The following GPC5 variants were observed in gnomAD, a reference collection of about 807,000 sequenced individuals.
The protein encoded by GPC5 is glypican 5, also known as glypican-5.
Under a neutral mutation model 53.9 loss-of-function variants are expected in GPC5, and 47 were observed. That is an observed-to-expected ratio of 0.87 (90% CI 0.69 to 1.11). GPC5 has a LOEUF of 1.11. GPC5 is among the 50% of genes most tolerant of loss of function. GPC5 has a pLI of 0.00. For missense variants in GPC5, 748 were observed against 713.1 expected (o/e 1.05, Z -0.56); for synonymous variants, 286 against 263.3 (o/e 1.09, Z -0.84).
At chr13:91,761,745 G>C (rs1257201717) in intron 5 of GPC5, among the ~76,000 whole-genome samples, 1 of 152,156 alleles carries the variant, frequency 6.6e-6, no homozygotes, top group African/African-American at 2.4e-5. Flanking sequence ...GAACTTCTTT[G>C]TGTTCAGCTA....
At chr13:92,602,290 A>G (rs537950447) in intron 7 of GPC5, among the ~76,000 whole-genome samples, 1 of 142,886 alleles carries the variant, frequency 7.0e-6, no homozygotes, top group South Asian at 2.2e-4. Context: ...ATTTATGAGT[A>G]CTCTGTAAAG....
At chr13:92,573,548 G>A (rs898509858) in intron 7 of GPC5, among the ~76,000 whole-genome samples, 3 of 151,924 alleles carry the variant, frequency 2.0e-5, no homozygotes, top group Admixed American at 2.0e-4. Flanking sequence ...TTTACTCTGT[G>A]CTAATGAATG....
At chr13:92,597,019 C>T (rs999625528) in intron 7 of GPC5, among the ~76,000 whole-genome samples, 1 of 152,094 alleles carries the variant, frequency 6.6e-6, no homozygotes, top group African/African-American at 2.4e-5. Flanking sequence ...ATTAATTTCC[C>T]CCTCTTCACA....
intron 7 of GPC5, among the ~76,000 whole-genome samples, chr13:92,250,118 A>G (rs1396630868): frequency 6.6e-6 from 1 of 152,072 alleles, no homozygotes; most frequent in Non-Finnish European, 1.5e-5. Flanking sequence ...GTACAGCTCC[A>G]TAAACACTTA....
chr13:92,421,655 C>T (rs1250272700), intron 7 of GPC5, among the ~76,000 whole-genome samples: 3 of 139,872 alleles, frequency 2.1e-5, no homozygotes, highest in African/African-American at 8.2e-5. Context: ...GCTGAGATCG[C>T]GCCACTGCAC....
intron 7 of GPC5, among the ~76,000 whole-genome samples, chr13:92,206,167 A>AT (rs1333690683): frequency 2.8e-3 from 77 of 27,978 alleles, no homozygotes; most frequent in East Asian, 0.017. Context: ...TTTTTTTTTT[A>AT]TTTTTTTTTT....
chr13:92,020,655 C>T lies in GPC5; in HGVS notation c.1401+112598C>T, dbSNP rs190303067. On this transcript the variant is annotated intron_variant, in intron 6 of 7. Coordinates refer to ENST00000377067, the MANE Select transcript of GPC5 (RefSeq NM_004466.6). ...TCTTTGGAGAAATGTGTGTTCAAAT[C>T]CTTAGTCCAATTTTTTATTAGTTTA... Among the ~76,000 whole-genome samples, 146 of 148,526 alleles carry T rather than the reference C, an allele frequency of 9.8e-4. 2 individuals carry two copies. The highest frequency in any genetic ancestry group is 3.2e-3 in the African/African-American group (129 of 40,720).
At chr13:92,023,055 TC>T (rs1280330614) in intron 6 of GPC5, among the ~76,000 whole-genome samples, 1 of 152,094 alleles carries the variant, frequency 6.6e-6, no homozygotes, top group African/African-American at 2.4e-5. Flanking sequence ...TACTTTAAAC[TC>T]TCTCAGTGCC....
chr13:92,633,086 T>C (rs1267977882), intron 7 of GPC5, among the ~76,000 whole-genome samples: 1 of 152,154 alleles, frequency 6.6e-6, no homozygotes, highest in Non-Finnish European at 1.5e-5. Context: ...AGACGGGGTT[T>C]CACCATGTTG....
intron 6 of GPC5, among the ~76,000 whole-genome samples, chr13:92,116,300 G>T (rs763734963): frequency 6.6e-6 from 1 of 151,910 alleles, no homozygotes; most frequent in Non-Finnish European, 1.5e-5. Context: ...AGGCACTTAT[G>T]GGGGGGATTG....
At chr13:92,623,647 T>C (rs1884949833) in intron 7 of GPC5, among the ~76,000 whole-genome samples, 1 of 152,186 alleles carries the variant, frequency 6.6e-6, no homozygotes, top group East Asian at 1.9e-4. Context: ...TTTTCTTTAG[T>C]AAGGATCAAG....
At chr13:91,750,090 C>T (rs1360832816) in intron 4 of GPC5, among the ~76,000 whole-genome samples, 13 of 152,122 alleles carry the variant, frequency 8.5e-5, no homozygotes, top group Non-Finnish European at 1.3e-4. Context: ...GGATTGCAGG[C>T]GTGACCCACC....
intron 2 of GPC5, among the ~76,000 whole-genome samples, chr13:91,484,897 G>A (rs1369417933): frequency 2.6e-5 from 4 of 152,136 alleles, no homozygotes; most frequent in Non-Finnish European, 5.9e-5. Context: ...CTTTTCCTGC[G>A]CTGCAGAAAC....
At chr13:92,711,365 A>G (rs534098441) in intron 7 of GPC5, among the ~76,000 whole-genome samples, 1 of 152,274 alleles carries the variant, frequency 6.6e-6, no homozygotes, top group East Asian at 1.9e-4. Flanking sequence ...GCTGGTTGGT[A>G]CACTAAAGTG....
chr13:92,417,096 T>G (rs1195930094), intron 7 of GPC5, among the ~76,000 whole-genome samples: 5 of 152,238 alleles, frequency 3.3e-5, no homozygotes, highest in Non-Finnish European at 7.3e-5. Flanking sequence ...AGGAGTGCAC[T>G]GAATGCATAT....
At chr13:92,257,423 T>C (rs1260963381) in intron 7 of GPC5, among the ~76,000 whole-genome samples, 1 of 152,142 alleles carries the variant, frequency 6.6e-6, no homozygotes. Flanking sequence ...TTAATGTTTT[T>C]ACTTATATCT....
At chr13:91,954,726 A>G (rs1406858097) in intron 6 of GPC5, among the ~76,000 whole-genome samples, 2 of 152,110 alleles carry the variant, frequency 1.3e-5, no homozygotes, top group African/African-American at 4.8e-5. Flanking sequence ...TTCCATAATT[A>G]CTGTAGTAGA....
chr13:91,755,360 C>A (rs535997478), intron 4 of GPC5, among the ~76,000 whole-genome samples: 1 of 152,140 alleles, frequency 6.6e-6, no homozygotes. Context: ...GTTTACTTTC[C>A]TTCCAACATT....
At chr13:92,805,351 A>G (rs1175559273) in intron 7 of GPC5, among the ~76,000 whole-genome samples, 2 of 152,104 alleles carry the variant, frequency 1.3e-5, no homozygotes, top group African/African-American at 4.8e-5. Flanking sequence ...ATTAGCAGGC[A>G]TGGAAACATT....
Sources: allele counts gnomAD v4.1 joint callset (sites outside exome capture counted in the v4.1 genomes callset), GRCh38; gene constraint gnomAD v4.1.1; transcripts MANE v1.5; gene names NCBI Gene and HGNC (gene_info 2026-07-23, HGNC 2026-07-21).